The following FOXP1 variants were observed in gnomAD, a reference collection of about 807,000 sequenced individuals.
FOXP1 encodes the protein forkhead box protein P1.
FOXP1 carries 15 observed loss-of-function variants against 98.2 expected under a neutral mutation model. That is an observed-to-expected ratio of 0.15 (90% CI 0.10 to 0.24). FOXP1 has a LOEUF of 0.24. FOXP1 is among the 10% of genes least tolerant of loss of function. FOXP1 has a pLI of 1.00. For missense variants in FOXP1, 633 were observed against 848.5 expected (o/e 0.75, Z 3.15); for synonymous variants, 371 against 314.5 (o/e 1.18, Z -1.90).
intron 5 of FOXP1, among the ~76,000 whole-genome samples, chr3:71,230,165 C>T (rs2066171502): frequency 6.6e-6 from 1 of 152,222 alleles, no homozygotes; most frequent in South Asian, 2.1e-4. Context: ...CAAAACCTTG[C>T]AAAGGCCGCA....
chr3:70,986,843 C>G (rs2039824787), intron 14 of FOXP1, among the ~76,000 whole-genome samples: 1 of 152,126 alleles, frequency 6.6e-6, no homozygotes, highest in South Asian at 2.1e-4. Flanking sequence ...GTAATGTGTT[C>G]TGTTTCAGAC....
chr3:71,413,288 A>C (rs557833063), intron 3 of FOXP1, among the ~76,000 whole-genome samples: 2 of 144,468 alleles, frequency 1.4e-5, no homozygotes, highest in African/African-American at 2.6e-5. Flanking sequence ...ACACACACAC[A>C]CACCCAAAAC....
chr3:70,997,392 C>T (rs2041531424), intron 13 of FOXP1, among the ~76,000 whole-genome samples: 1 of 152,140 alleles, frequency 6.6e-6, no homozygotes, highest in Non-Finnish European at 1.5e-5. Context: ...AAGGAGGAAG[C>T]CTATAAAGAA....
In FOXP1 at chr3:70,979,316, A is replaced by AAAAAAAAAG. The variant is rs1553670621; in HGVS notation, c.1147-1288_1147-1287insCTTTTTTTT. On this transcript the variant is annotated intron_variant, in intron 14 of 20. Coordinates refer to ENST00000649528, the MANE Select transcript of FOXP1 (RefSeq NM_001349338.3). Reference sequence around the variant, plus strand: ...AAAAAAAAAAAAAAAAAAAAAAAAAAAAAAGAAAAAAATAAATTAATGAGC... The same window carrying AAAAAAAAAG: ...AAAAAAAAAAAAAAAAAAAAAAAAAAAAAAAAAAGAAAAGAAAAAAATAAATTAATGAGC... Among the ~76,000 whole-genome samples, 67 of 96,432 alleles carry AAAAAAAAAG rather than the reference A, an allele frequency of 6.9e-4. 3 individuals are homozygous for AAAAAAAAAG. The highest frequency in any genetic ancestry group is 2.1e-3 in the African/African-American group (48 of 23,114). The allele number at this position is 96,432 out of a possible 152,430, so 63.3% of individuals were successfully genotyped here. A position where few individuals can be genotyped will look rare whatever the true frequency, so the allele number is the denominator to read the frequency against.
chr3:71,406,403 G>GTATATATATATATATATATATATA lies in FOXP1; in HGVS notation c.-167-47160_-167-47159insTATATATATATATATATATATATA, dbSNP rs112681983. 1.8e-3 allele frequency among the ~76,000 whole-genome samples: 192 copies of GTATATATATATATATATATATATA among 107,876 alleles called. 10 individuals are homozygous for GTATATATATATATATATATATATA. The highest frequency in any genetic ancestry group is 2.9e-3 in the Non-Finnish European group (132 of 46,124). The allele number at this position is 107,876 out of a possible 152,430, so 70.8% of individuals were successfully genotyped here. ...TTTAATTGACACATAATAACTGTAT[G>GTATATATATATATATATATATATA]TGTATATATATATATATATATGGTA... On this transcript the variant is annotated intron_variant, in intron 3 of 20. Transcript: ENST00000649528.
intron 3 of FOXP1, among the ~76,000 whole-genome samples, chr3:71,444,053 A>G (rs2086188256): frequency 6.6e-6 from 1 of 152,172 alleles, no homozygotes; most frequent in African/African-American, 2.4e-5. Flanking sequence ...TATGCACTAT[A>G]GCTACTGACT....
chr3:71,227,732 TAAAA>T (rs59752685), intron 5 of FOXP1, among the ~76,000 whole-genome samples: 1 of 139,472 alleles, frequency 7.2e-6, no homozygotes, highest in African/African-American at 2.6e-5. Context: ...TCAATGTTTT[TAAAA>T]AAAAAAAAAA....
At chr3:71,151,586 GAA>G (rs1486103003) in intron 6 of FOXP1, among the ~76,000 whole-genome samples, 8 of 151,022 alleles carry the variant, frequency 5.3e-5, no homozygotes, top group Non-Finnish European at 7.4e-5. Flanking sequence ...GCACTAGATA[GAA>G]AGACACAGGT....
chr3:70,974,822 G>GTA (rs2037155795), intron 17 of FOXP1, among the ~76,000 whole-genome samples: 1 of 152,152 alleles, frequency 6.6e-6, no homozygotes, highest in Admixed American at 6.6e-5. Flanking sequence ...AGAAATGAAA[G>GTA]GTCTTAAAGC....
At chr3:71,044,194 T>C (rs961025068) in intron 10 of FOXP1, among the ~76,000 whole-genome samples, 1 of 152,212 alleles carries the variant, frequency 6.6e-6, no homozygotes, top group Non-Finnish European at 1.5e-5. Context: ...CTCATCAGAC[T>C]AAATGGATAA....
At chr3:71,225,045 T>C (rs2065727173) in intron 5 of FOXP1, among the ~76,000 whole-genome samples, 1 of 152,114 alleles carries the variant, frequency 6.6e-6, no homozygotes, top group African/African-American at 2.4e-5. Context: ...AAAACCACAC[T>C]CAAGGAACAA....
chr3:71,200,546 G>T (rs2063609161), intron 5 of FOXP1, among the ~76,000 whole-genome samples: 1 of 152,180 alleles, frequency 6.6e-6, no homozygotes, highest in South Asian at 2.1e-4. Flanking sequence ...CACACTCCAA[G>T]TTCACAGACC....
intron 1 of FOXP1, chr3:71,582,516 C>T (rs934742936): frequency 1.4e-5 from 14 of 985,432 alleles, no homozygotes; most frequent in Non-Finnish European, 1.7e-5. Context: ...GGAGAGCCAT[C>T]GGCCGCCAGG....
At chr3:71,106,390 C>T (rs1481506316) in intron 7 of FOXP1, among the ~76,000 whole-genome samples, 1 of 152,152 alleles carries the variant, frequency 6.6e-6, no homozygotes, top group Non-Finnish European at 1.5e-5. Context: ...GGCTGGAGTG[C>T]AGTGGCGTGA....
intron 9 of FOXP1, among the ~76,000 whole-genome samples, chr3:71,051,750 G>A (rs773240855): frequency 2.6e-5 from 4 of 152,122 alleles, no homozygotes; most frequent in Admixed American, 1.3e-4. Context: ...ACATGCACAC[G>A]GATACTCCCA....
At chr3:70,972,505 T>C (rs2036481344) in intron 18 of FOXP1, 50 bp downstream of exon 18, 1 of 1,613,026 alleles carries the variant, frequency 6.2e-7, no homozygotes, top group African/African-American at 1.3e-5. Context: ...ACGTTATACT[T>C]GTTAGCACAA....
chr3:71,406,304 G>A (rs535041059), intron 3 of FOXP1, among the ~76,000 whole-genome samples: 50 of 151,256 alleles, frequency 3.3e-4, no homozygotes, highest in African/African-American at 1.1e-3. Flanking sequence ...ACTATTTCCA[G>A]CTTCTTGGAG....
chr3:71,427,522 A>G (rs545443387), intron 3 of FOXP1, among the ~76,000 whole-genome samples: 12 of 152,342 alleles, frequency 7.9e-5, no homozygotes, highest in African/African-American at 1.7e-4. Flanking sequence ...TCTCTTGTGA[A>G]AAAAAGGAGC....
intron 13 of FOXP1, among the ~76,000 whole-genome samples, chr3:70,997,716 A>G (rs963674700): frequency 6.6e-5 from 10 of 152,210 alleles, no homozygotes; most frequent in Admixed American, 4.6e-4. Flanking sequence ...GCACTAGCAA[A>G]TTATTTTGTA....
Sources: allele counts gnomAD v4.1 joint callset (sites outside exome capture counted in the v4.1 genomes callset), GRCh38; gene constraint gnomAD v4.1.1; transcripts MANE v1.5; gene names NCBI Gene and HGNC (gene_info 2026-07-23, HGNC 2026-07-21).